Variants in ANKRD11 observed in about 807,000 individuals in gnomAD.
The protein encoded by ANKRD11 is ankyrin repeat domain 11, also known as ankyrin repeat domain-containing protein 11.
ANKRD11 carries 17 observed loss-of-function variants against 195.7 expected under a neutral mutation model. That is an observed-to-expected ratio of 0.09 (90% confidence interval 0.06 to 0.13). The LOEUF is 0.13. Ranked by LOEUF, ANKRD11 falls within the 10% of genes least tolerant of loss-of-function variation. ANKRD11 has a pLI of 1.00. For synonymous variants in ANKRD11, 1,953 were observed against 1,528.1 expected (o/e 1.28, Z -6.49); for missense variants, 3,735 against 3,566.1 (o/e 1.05, Z -1.21).
At chr16:89,427,665 G>A (rs1327992546) in intron 1 of ANKRD11, among the ~76,000 whole-genome samples, 1 of 151,800 alleles carries the variant, frequency 6.6e-6, no homozygotes, top group African/African-American at 2.4e-5. Flanking sequence ...TGGGTGTGGT[G>A]GCACATGCCT....
At chr16:89,337,947 G>C (rs1176635437) in intron 2 of ANKRD11, among the ~76,000 whole-genome samples, 5 of 152,190 alleles carry the variant, frequency 3.3e-5, no homozygotes, top group Non-Finnish European at 5.9e-5. Context: ...TGCTGAGCAT[G>C]AGGGTCCAGC....
intron 2 of ANKRD11, among the ~76,000 whole-genome samples, chr16:89,354,443 T>G (rs1426354824): frequency 6.6e-6 from 1 of 152,186 alleles, no homozygotes; most frequent in African/African-American, 2.4e-5. Context: ...GCCAGCGCAG[T>G]GCAGAGCCAG....
intron 1 of ANKRD11, among the ~76,000 whole-genome samples, chr16:89,433,541 C>T (rs1176007971): frequency 6.6e-6 from 1 of 152,242 alleles, no homozygotes; most frequent in Non-Finnish European, 1.5e-5. Flanking sequence ...AAAGGAGCAG[C>T]AGGAGCGCAA....
intron 2 of ANKRD11, among the ~76,000 whole-genome samples, chr16:89,380,247 G>T (rs2152102859): frequency 6.6e-6 from 1 of 152,224 alleles, no homozygotes; most frequent in Middle Eastern, 3.4e-3. Flanking sequence ...CGAGTAGTTG[G>T]TATTACAGGC....
At chr16:89,307,294 T>C (rs891663589) in intron 3 of ANKRD11, among the ~76,000 whole-genome samples, 6 of 152,186 alleles carry the variant, frequency 3.9e-5, no homozygotes, top group Non-Finnish European at 5.9e-5. Context: ...TCCTGCCTCC[T>C]GGGACCCTGA....
intron 2 of ANKRD11, among the ~76,000 whole-genome samples, chr16:89,359,434 G>A (rs61472549): frequency 0.029 from 4,353 of 152,220 alleles, 218 homozygotes; most frequent in African/African-American, 0.1. Flanking sequence ...TCCAGCCTGC[G>A]CCAAGGAGCA....
chr16:89,284,450 C>G lies in ANKRD11; in HGVS notation c.2092G>C (p.Glu698Gln). Residue 698 changes from glutamate (E) to glutamine (Q), a missense_variant, in exon 9 of 13, where the codon GAG becomes CAG. Transcript: ENST00000301030. ...KHDRDHFKKE[E>Q]KLSKMKLEEK... ...TCTAATTTCATTTTGCTAAGTTTCTCTTCTTTTTTAAAGTGGTCGCGATCG... is the reference window on the plus strand; with the variant it reads ...TCTAATTTCATTTTGCTAAGTTTCTGTTCTTTTTTAAAGTGGTCGCGATCG... 6.2e-7 allele frequency: 1 copy of G among 1,613,642 alleles called. No individual in the cohort carries two copies. The highest frequency in any genetic ancestry group is 8.5e-7 in the Non-Finnish European group (1 of 1,179,960).
At chr16:89,480,533 G>A (rs1349989879) in intron 1 of ANKRD11, among the ~76,000 whole-genome samples, 1 of 152,066 alleles carries the variant, frequency 6.6e-6, no homozygotes, top group Non-Finnish European at 1.5e-5. Context: ...ATATTAATTA[G>A]GTATCTATTA....
intron 1 of ANKRD11, among the ~76,000 whole-genome samples, chr16:89,435,585 G>A (rs551050109): frequency 9.9e-5 from 15 of 152,072 alleles, no homozygotes; most frequent in East Asian, 3.9e-4. Flanking sequence ...AACAAACTCC[G>A]GACACACCAT....
In ANKRD11 at chr16:89,283,814, T is replaced by C. The variant is rs763212052; in HGVS notation, c.2728A>G (p.Arg910Gly). ...TCAGAGTTTTTATCCAAATAGTCCC[T>C]GTCCTTCTTTCGGAAGAAGGGCTCT... ...YREPFFRKKD[R>G]DYLDKNSEKR... Residue 910 changes from arginine to glycine, a missense_variant, in exon 9 of 13, where the codon AGG (arginine) becomes GGG (glycine). Coordinates refer to ENST00000301030, the MANE Select transcript of ANKRD11 (RefSeq NM_013275.6). This position sits in a 1 kb window ranked among gnomAD's most constrained non-coding sequence, Gnocchi z 4.3. The C allele has an allele frequency of 1.5e-5, 24 of 1,614,078 alleles. No individual in the cohort carries two copies. The Admixed American group carries it at 2.5e-4, about 17-fold the overall frequency.
chr16:89,284,515 T>G lies in ANKRD11; in HGVS notation c.2027A>C (p.Asn676Thr). The stretch of plus-strand genomic sequence containing the variant: ...TAGCTTGTTTTCAGTGGAAAGATCA[T>G]TCTCTAACAGTATAGCCTTATCTGA... ...QKSDKAILLENDLSTENKLKV... is the reference protein window; with the variant it reads ...QKSDKAILLETDLSTENKLKV... The change falls in exon 9 of 13, where the codon AAT becomes ACT. Residue 676 changes from asparagine to threonine, a missense_variant. By Grantham distance (65) the Asn-to-Thr change is moderately conservative (BLOSUM62 0). Coordinates refer to ENST00000301030, the MANE Select transcript of ANKRD11 (RefSeq NM_013275.6). The G allele has an allele frequency of 6.2e-7, 1 of 1,614,170 alleles. No homozygotes were observed. The highest frequency in any genetic ancestry group is 8.5e-7 in the Non-Finnish European group (1 of 1,180,038).
Position 89,285,656 on chromosome 16 carries a change from G to A in ANKRD11, c.893-7C>T. On this transcript the variant is annotated splice_region_variant and splice_polypyrimidine_tract_variant and intron_variant, in intron 8 of 12. Transcript: ENST00000301030. This position sits in a 1 kb window ranked among gnomAD's most constrained non-coding sequence, Gnocchi z 5.6. ...TCTTCCTCTTCTGAGCTCTCTGTTG[G>A]AGGTAGGAAGCGAGAGGTCACAGGC... The A allele has an allele frequency of 1.2e-6, 2 of 1,614,152 alleles. No individual in the cohort carries two copies. Among genetic ancestry groups the A allele is most frequent in the Non-Finnish European group, 1.7e-6 (2 of 1,179,976 alleles).
intron 1 of ANKRD11, among the ~76,000 whole-genome samples, chr16:89,427,308 G>A (rs1231031201): frequency 6.6e-6 from 1 of 152,118 alleles, no homozygotes; most frequent in Non-Finnish European, 1.5e-5. Flanking sequence ...TGGATCAAAA[G>A]ACACAGTGTC....
chr16:89,341,208 G>C (rs1186827736), intron 2 of ANKRD11, among the ~76,000 whole-genome samples: 4 of 152,218 alleles, frequency 2.6e-5, no homozygotes, highest in Non-Finnish European at 4.4e-5. Context: ...GATCCGCGGA[G>C]AAGACTGGAC....
chr16:89,326,522 G>T (rs2037731489), intron 2 of ANKRD11, among the ~76,000 whole-genome samples: 2 of 152,122 alleles, frequency 1.3e-5, no homozygotes, highest in African/African-American at 4.8e-5. Flanking sequence ...AGGCAGGGGG[G>T]TCATTTGGGC....
chr16:89,451,434 C>T (rs1186982394), intron 1 of ANKRD11, among the ~76,000 whole-genome samples: 3 of 88,564 alleles, frequency 3.4e-5, no homozygotes, highest in African/African-American at 7.8e-5. Context: ...TTTTTTGAGA[C>T]GAAGCCTCAC....
intron 2 of ANKRD11, among the ~76,000 whole-genome samples, chr16:89,346,750 T>G (rs967899293): frequency 2.6e-5 from 4 of 152,132 alleles, no homozygotes; most frequent in African/African-American, 9.7e-5. Context: ...TAGAGGGAAA[T>G]GTATTTATAT....
intron 2 of ANKRD11, among the ~76,000 whole-genome samples, chr16:89,330,244 T>C (rs2037975958): frequency 6.6e-6 from 1 of 152,052 alleles, no homozygotes; most frequent in Admixed American, 6.5e-5. Context: ...CACAAAGCAT[T>C]TGTCAACAAT....
chr16:89,333,059 C>T (rs1056522367), intron 2 of ANKRD11, among the ~76,000 whole-genome samples: 1 of 152,148 alleles, frequency 6.6e-6, no homozygotes, highest in African/African-American at 2.4e-5. Flanking sequence ...GGAAGAAGGG[C>T]CCCTGTGGGG....
Sources: gnomAD v4.1 joint callset for allele counts (sites outside exome capture counted in the v4.1 genomes callset) on GRCh38, gnomAD v4.1.1 for gene constraint, Gnocchi (gnomAD v3.1) non-coding constraint, MANE v1.5 for transcripts, NCBI Gene and HGNC (gene_info 2026-07-23, HGNC 2026-07-21) for gene names.